The following PFKP variants were observed in gnomAD, a reference collection of about 807,000 sequenced individuals.
PFKP encodes the protein phosphofructokinase, platelet, also known as ATP-dependent 6-phosphofructokinase, platelet type.
In PFKP, 101 loss-of-function variants were observed where a neutral mutation model predicts 94.3. The ratio of observed to expected loss-of-function variants is 1.07; its 90% CI spans 0.91 to 1.26. PFKP has a LOEUF of 1.26. PFKP is among the 50% of genes most tolerant of loss of function. PFKP has a pLI of 0.00. For missense variants in PFKP, 1,145 were observed against 1,103.3 expected, an observed-to-expected ratio of 1.04 and a Z score of -0.53; for synonymous variants, 573 against 432.6, an observed-to-expected ratio of 1.32 and a Z score of -4.03.
At chr10:3,127,079 A>G (rs185909206) in intron 16 of PFKP, among the ~76,000 whole-genome samples, 5 of 152,368 alleles carry the variant, frequency 3.3e-5, no homozygotes, top group Non-Finnish European at 7.3e-5. Context: ...CCTTCTTGTC[A>G]GTGCTGCTTT....
At chr10:3,128,309 G>T (rs1020748224) in intron 16 of PFKP, among the ~76,000 whole-genome samples, 1 of 152,178 alleles carries the variant, frequency 6.6e-6, no homozygotes, top group Non-Finnish European at 1.5e-5. Context: ...GAGAGACACC[G>T]GGATAATTTC....
chr10:3,088,552 A>G (rs1833808838), intron 2 of PFKP, among the ~76,000 whole-genome samples: 1 of 152,102 alleles, frequency 6.6e-6, no homozygotes, highest in Non-Finnish European at 1.5e-5. Flanking sequence ...GACGGCTCCC[A>G]CCTCTCTTTG....
intron 18 of PFKP, 23 bp downstream of exon 18, chr10:3,132,464 T>C: frequency 1.3e-6 from 2 of 1,546,994 alleles, no homozygotes; most frequent in Non-Finnish European, 1.8e-6. Context: ...GACCAGGGGC[T>C]GATCTTACCC....
chr10:3,128,483 A>T (rs1838194728), intron 16 of PFKP, among the ~76,000 whole-genome samples: 1 of 142,554 alleles, frequency 7.0e-6, no homozygotes, highest in Non-Finnish European at 1.5e-5. Flanking sequence ...CTGACCACAC[A>T]CCTGGGGCTG....
intron 16 of PFKP, among the ~76,000 whole-genome samples, chr10:3,121,682 C>T (rs2131649138): frequency 6.7e-6 from 1 of 149,764 alleles, no homozygotes; most frequent in Middle Eastern, 3.4e-3. Context: ...CACAAATGAT[C>T]ATTTCCACCT....
At chr10:3,093,372 A>C (rs1032895011) in intron 2 of PFKP, among the ~76,000 whole-genome samples, 2 of 151,578 alleles carry the variant, frequency 1.3e-5, no homozygotes, top group Non-Finnish European at 2.9e-5. Flanking sequence ...CTACTCAACC[A>C]CTCCACTTCT....
chr10:3,113,224 C>T (rs763920062), intron 12 of PFKP, 36 bp downstream of exon 12: 13 of 1,598,654 alleles, frequency 8.1e-6, no homozygotes, highest in Non-Finnish European at 1.0e-5. Flanking sequence ...CCCGACCTCT[C>T]CTGCGGGCCT....
At chr10:3,082,702 C>T (rs1833183017) in intron 2 of PFKP, among the ~76,000 whole-genome samples, 3 of 152,060 alleles carry the variant, frequency 2.0e-5, no homozygotes, top group Admixed American at 2.0e-4. Flanking sequence ...GAGAGGGAGC[C>T]CAAAAAGCCA....
In PFKP at chr10:3,098,123, A is replaced by G. The variant is rs1158647900; in HGVS notation, c.187-1152A>G. Among the ~76,000 whole-genome samples, 2 of 152,212 alleles carry G rather than the reference A, an allele frequency of 1.3e-5. 1 individual carries two copies. The highest frequency in any genetic ancestry group is 4.8e-5 in the African/African-American group (2 of 41,414). ...GTGCCTGCACTATTGATTAATTTATATATAGAACTCCATAATCTATGAGTC... is the reference window on the plus strand; with the variant it reads ...GTGCCTGCACTATTGATTAATTTATGTATAGAACTCCATAATCTATGAGTC... On this transcript the variant is annotated intron_variant, in intron 2 of 21. Coordinates refer to ENST00000381125, the MANE Select transcript of PFKP (RefSeq NM_002627.5).
chr10:3,105,758 C>A (rs1835482910), intron 7 of PFKP, among the ~76,000 whole-genome samples: 1 of 152,150 alleles, frequency 6.6e-6, no homozygotes, highest in Non-Finnish European at 1.5e-5. Flanking sequence ...CCCATGCGTG[C>A]CTAACTCCGG....
At chr10:3,130,321 C>T (rs949623004) in intron 17 of PFKP, among the ~76,000 whole-genome samples, 2 of 152,222 alleles carry the variant, frequency 1.3e-5, no homozygotes, top group African/African-American at 4.8e-5. Flanking sequence ...GCGACAGGCT[C>T]TGAAGGTTGC....
chr10:3,097,574 G>T (rs10903964), intron 2 of PFKP, among the ~76,000 whole-genome samples: 125,521 of 152,014 alleles, frequency 0.83, 52,974 homozygotes, highest in Non-Finnish European at 0.92. Flanking sequence ...TGTGAGCCAG[G>T]GCCTGGGTGC....
At chr10:3,081,701 T>C (rs377293802) in intron 1 of PFKP, among the ~76,000 whole-genome samples, 2 of 152,170 alleles carry the variant, frequency 1.3e-5, no homozygotes, top group African/African-American at 4.8e-5. Flanking sequence ...AGGTGGAGGC[T>C]AACAGACTTA....
intron 7 of PFKP, among the ~76,000 whole-genome samples, chr10:3,106,278 GGC>G (rs1835551603): frequency 1.9e-5 from 1 of 52,736 alleles, no homozygotes; most frequent in South Asian, 1.0e-3. Flanking sequence ...CAGAAAGCAT[GGC>G]GTGCACGGGG....
At position 3,118,874 on chromosome 10, in the gene PFKP, G is replaced by T; in HGVS notation, c.1530+5G>T. On this transcript the variant is annotated splice_donor_5th_base_variant and intron_variant, in intron 15 of 21. Transcript: ENST00000381125. Reference sequence around the variant, plus strand: ...CTGATCATCGGTGGATTCGAGGTACGTTACCGTTTCTCTCTTGCCGGTCTT... The same window carrying T: ...CTGATCATCGGTGGATTCGAGGTACTTTACCGTTTCTCTCTTGCCGGTCTT... The T allele has an allele frequency of 1.1e-5, 17 of 1,608,960 alleles. 1 individual carries two copies. The highest frequency in any genetic ancestry group is 3.3e-4 in the Middle Eastern group (2 of 6,054).
intron 1 of PFKP, among the ~76,000 whole-genome samples, chr10:3,068,122 C>A (rs992149283): frequency 6.6e-6 from 1 of 152,194 alleles, no homozygotes; most frequent in Non-Finnish European, 1.5e-5. Flanking sequence ...TAGGACGGGG[C>A]CGGGCGTCCC....
chr10:3,079,818 G>C (rs1055846014), intron 1 of PFKP, among the ~76,000 whole-genome samples: 1 of 152,150 alleles, frequency 6.6e-6, no homozygotes, highest in Non-Finnish European at 1.5e-5. Context: ...CCAGAGCTGT[G>C]CGTCCACCCT....
chr10:3,090,802 T>C (rs79441543), intron 2 of PFKP, among the ~76,000 whole-genome samples: 4,710 of 152,250 alleles, frequency 0.031, 157 homozygotes, highest in Admixed American at 0.09. Flanking sequence ...GTTCTAGACC[T>C]ATTTGGGCTC....
At chr10:3,078,667 T>C (rs1832789490) in intron 1 of PFKP, among the ~76,000 whole-genome samples, 1 of 152,228 alleles carries the variant, frequency 6.6e-6, no homozygotes, top group Non-Finnish European at 1.5e-5. Flanking sequence ...CGCTTACTAA[T>C]GTTGTTACCT....
Sources: allele counts gnomAD v4.1 joint callset (sites outside exome capture counted in the v4.1 genomes callset), GRCh38; gene constraint gnomAD v4.1.1; transcripts MANE v1.5; gene names NCBI Gene and HGNC (gene_info 2026-07-23, HGNC 2026-07-21).